Variants in PARD3 observed in about 807,000 individuals in gnomAD.
PARD3 encodes par-3 family cell polarity regulator.
Under a neutral mutation model 155.4 loss-of-function variants are expected in PARD3, and 75 were observed. That is an observed-to-expected ratio of 0.48 (90% CI 0.40 to 0.58). PARD3 has a LOEUF of 0.58. Among genes scored for constraint, PARD3 ranks in the 20% least tolerant of loss-of-function variants. The pLI is 0.00. For synonymous variants in PARD3, 576 were observed against 610.5 expected (o/e 0.94, Z 0.83); for missense variants, 1,642 against 1,721.7 (o/e 0.95, Z 0.82).
chr10:34,148,933 GAAGTA>G (rs1948650433), intron 22 of PARD3, among the ~76,000 whole-genome samples: 2 of 151,908 alleles, frequency 1.3e-5, no homozygotes, highest in South Asian at 2.1e-4. Context: ...AAGTATTTAC[GAAGTA>G]AACAACTATA....
chr10:34,355,546 C>T (rs116994883), intron 14 of PARD3, among the ~76,000 whole-genome samples: 1,668 of 152,152 alleles, frequency 0.011, 22 homozygotes, highest in Non-Finnish European at 0.013. Flanking sequence ...GACCTGTGAG[C>T]TGGAAAGAGG....
At chr10:34,350,875 G>A (rs184669097) in intron 14 of PARD3, among the ~76,000 whole-genome samples, 3 of 151,994 alleles carry the variant, frequency 2.0e-5, no homozygotes, top group African/African-American at 2.4e-5. Context: ...ACCCACACTC[G>A]GTAGGAGTGT....
intron 2 of PARD3, among the ~76,000 whole-genome samples, chr10:34,646,356 T>C (rs2092836816): frequency 6.6e-6 from 1 of 152,214 alleles, no homozygotes; most frequent in Admixed American, 6.5e-5. Flanking sequence ...GTCCAAATAA[T>C]TTCCCAACTG....
At chr10:34,460,920 T>G (rs1369073747) in intron 4 of PARD3, among the ~76,000 whole-genome samples, 1 of 152,186 alleles carries the variant, frequency 6.6e-6, no homozygotes, top group Non-Finnish European at 1.5e-5. Flanking sequence ...ATATATAACA[T>G]GTAACATACC....
chr10:34,800,080 T>A (rs1258580661), intron 1 of PARD3, among the ~76,000 whole-genome samples: 1 of 151,042 alleles, frequency 6.6e-6, no homozygotes, highest in Non-Finnish European at 1.5e-5. Flanking sequence ...CAGTGAGCCA[T>A]GATCATGCCA....
chr10:34,519,502 T>A (rs1481892007), intron 2 of PARD3, among the ~76,000 whole-genome samples: 2 of 152,198 alleles, frequency 1.3e-5, no homozygotes, highest in East Asian at 3.9e-4. Flanking sequence ...CTTAAAATGC[T>A]AATATACTTC....
chr10:34,357,413 C>T (rs1361637488), intron 14 of PARD3, among the ~76,000 whole-genome samples: 1 of 152,080 alleles, frequency 6.6e-6, no homozygotes, highest in Non-Finnish European at 1.5e-5. Context: ...ATAAGATGCT[C>T]AATAAATATC....
chr10:34,317,109 G>T lies in PARD3; in HGVS notation c.3063C>A (p.Phe1021Leu), dbSNP rs777604125. 11 of 1,550,776 alleles carry T rather than the reference G, an allele frequency of 7.1e-6. No individual in the cohort carries two copies. The highest frequency in any genetic ancestry group is 9.6e-6 in the Non-Finnish European group (11 of 1,147,060). ...KGMLKGLGDM[F>L]RFGKHRKDDK... ...GGTTTGGGATGGTAACGACTTACCT[G>T]AACATGTCTCCCAAGCCCTTCAGCA... The change falls in exon 20 of 25, where the codon TTC becomes TTA. Residue 1021 changes from phenylalanine to leucine, a missense_variant and splice_region_variant. Physicochemically the swap from Phe to Leu is conservative, Grantham distance 22. Around this residue, in one of 3 missense-constraint regions of PARD3, gnomAD observed 1,529 missense variants for 1,587.3 expected, o/e 0.96. Coordinates refer to ENST00000374788, the MANE Select transcript of PARD3 (RefSeq NM_001184785.2).
At chr10:34,520,573 A>T (rs1342745604) in intron 2 of PARD3, among the ~76,000 whole-genome samples, 3 of 152,218 alleles carry the variant, frequency 2.0e-5, no homozygotes, top group South Asian at 2.1e-4. Context: ...TCAATGGGCA[A>T]ACTTTCTCGA....
In PARD3 at chr10:34,119,669, C is replaced by T; in HGVS notation, c.3612G>A (p.Arg1204=). 1 of 1,612,094 alleles carries T rather than the reference C, an allele frequency of 6.2e-7. No homozygotes were observed. Among genetic ancestry groups the T allele is most frequent in the African/African-American group, 1.3e-5 (1 of 75,030 alleles). The change falls in exon 24 of 25, where the codon CGG becomes CGA. Residue 1204 remains arginine, a synonymous_variant. Transcript: ENST00000374788. Reference sequence around the variant, plus strand: ...GCTGGGAGCTCTCGCGCTCCTCCTGCCGCTGCCGCTGCATCTGCACCTCCA... The same window carrying T: ...GCTGGGAGCTCTCGCGCTCCTCCTGTCGCTGCCGCTGCATCTGCACCTCCA... ...VSVEVQMQRQ[R]QEERESSQQA... is the part of the protein sequence containing the mutation.
intron 2 of PARD3, among the ~76,000 whole-genome samples, chr10:34,661,450 T>A (rs545002575): frequency 1.3e-5 from 2 of 152,252 alleles, no homozygotes; most frequent in South Asian, 4.1e-4. Flanking sequence ...CCAAATTTGA[T>A]GAAAGAACAT....
chr10:34,585,654 C>A (rs371732471), intron 2 of PARD3, among the ~76,000 whole-genome samples: 2 of 151,372 alleles, frequency 1.3e-5, no homozygotes, highest in African/African-American at 4.9e-5. Context: ...ACTTAGCATA[C>A]CTACTTCCTA....
At chr10:34,396,243 G>C (rs531849967) in intron 7 of PARD3, among the ~76,000 whole-genome samples, 17 of 152,158 alleles carry the variant, frequency 1.1e-4, no homozygotes, top group African/African-American at 4.1e-4. Context: ...CCAGCTTCTA[G>C]GAAGGCTGAT....
chr10:34,588,956 G>A (rs1182342164), intron 2 of PARD3, among the ~76,000 whole-genome samples: 1 of 152,182 alleles, frequency 6.6e-6, no homozygotes, highest in Non-Finnish European at 1.5e-5. Context: ...AAGTAGCACA[G>A]GCTCCATGGC....
chr10:34,470,375 A>T, intron 3 of PARD3, 112 bp from the exon 4 acceptor site: 6 of 766,664 alleles, frequency 7.8e-6, no homozygotes, highest in Non-Finnish European at 1.2e-5. Flanking sequence ...ACACTTTTGT[A>T]AAAGGGGACA....
intron 22 of PARD3, among the ~76,000 whole-genome samples, chr10:34,152,136 G>A (rs2132968994): frequency 6.6e-6 from 1 of 152,152 alleles, no homozygotes; most frequent in East Asian, 1.9e-4. Context: ...GACCCAATGT[G>A]CTTCTTATGT....
intron 2 of PARD3, among the ~76,000 whole-genome samples, chr10:34,637,483 A>AC (rs1590344789): frequency 6.6e-6 from 1 of 152,346 alleles, no homozygotes; most frequent in Admixed American, 6.5e-5. Flanking sequence ...TGCTGGAGAG[A>AC]CCAGTCGCAG....
chr10:34,368,516 C>T (rs1378645659), intron 12 of PARD3, among the ~76,000 whole-genome samples: 1 of 151,844 alleles, frequency 6.6e-6, no homozygotes, highest in East Asian at 1.9e-4. Context: ...ACTAAAAATA[C>T]AAAAAATTAG....
At chr10:34,360,049 G>A (rs745824261) in intron 13 of PARD3, 22 bp downstream of exon 13, 42 of 1,587,472 alleles carry the variant, frequency 2.6e-5, no homozygotes, top group Admixed American at 1.7e-4. Context: ...ATAGGCATAC[G>A]CATGATAAAG....
Sources: allele counts gnomAD v4.1 joint callset (sites outside exome capture counted in the v4.1 genomes callset), GRCh38; gene constraint gnomAD v4.1.1; regional missense constraint gnomAD v4.1.1; transcripts MANE v1.5; gene names NCBI Gene and HGNC (gene_info 2026-07-23, HGNC 2026-07-21).